Variants in NELL1 observed in about 807,000 individuals in gnomAD.
NELL1 encodes the protein protein kinase C-binding protein NELL1.
In NELL1, 76 loss-of-function variants were observed where a neutral mutation model predicts 107.4. The observed-to-expected ratio is 0.71, with a 90% CI of 0.59 to 0.86. The LOEUF (loss-of-function observed/expected upper bound fraction) is 0.86. NELL1 is among the 40% of genes least tolerant of loss of function. NELL1 has a pLI of 0.00. For synonymous variants in NELL1, 353 were observed against 341.2 expected, an observed-to-expected ratio of 1.03 and a Z score of -0.38; for missense variants, 1,024 against 1,005.5, an observed-to-expected ratio of 1.02 and a Z score of -0.25.
intron 16 of NELL1, among the ~76,000 whole-genome samples, chr11:21,542,863 T>G (rs1175510351): frequency 6.6e-6 from 1 of 152,076 alleles, no homozygotes; most frequent in African/African-American, 2.4e-5. Flanking sequence ...GAAATTATAT[T>G]AACCAATGAT....
At chr11:21,539,774 G>A (rs965853438) in intron 16 of NELL1, among the ~76,000 whole-genome samples, 2 of 151,514 alleles carry the variant, frequency 1.3e-5, no homozygotes, top group South Asian at 2.1e-4. Context: ...ACAGGATACC[G>A]ATAGGGTGTG....
At chr11:20,789,266 G>T (rs1326306917) in intron 3 of NELL1, among the ~76,000 whole-genome samples, 1 of 152,210 alleles carries the variant, frequency 6.6e-6, no homozygotes, top group Non-Finnish European at 1.5e-5. Flanking sequence ...GCAGCAAGGG[G>T]TGTGTGAGTG....
At position 21,330,346 on chromosome 11, in the gene NELL1, A is replaced by G. The variant is rs550208884; in HGVS notation, c.1550-40507A>G. Among the ~76,000 whole-genome samples, 14 of 152,254 alleles carry G rather than the reference A, an allele frequency of 9.2e-5. No individual in the cohort carries two copies. The East Asian group carries it at 2.7e-3, about 29-fold the overall frequency. ...TCCTCCCTCACACCATGTGGAATAG[A>G]ATTCCATTTGGGGGTCAGTTGGTTT... On this transcript the variant is annotated intron_variant, in intron 14 of 19. Coordinates refer to ENST00000357134, the MANE Select transcript of NELL1 (RefSeq NM_006157.5).
At chr11:21,036,858 A>T (rs1180617217) in intron 12 of NELL1, among the ~76,000 whole-genome samples, 1 of 152,040 alleles carries the variant, frequency 6.6e-6, no homozygotes, top group Non-Finnish European at 1.5e-5. Context: ...TCCATGTTAA[A>T]TTTTTAAAAA....
rs890138217 is a variant in NELL1 at position 21,366,552 on chromosome 11, C to T, written c.1550-4301C>T. On this transcript the variant is annotated intron_variant, in intron 14 of 19. Coordinates refer to ENST00000357134, the MANE Select transcript of NELL1 (RefSeq NM_006157.5). Reference sequence around the variant, plus strand: ...ATAAAGCTGGAAATGCAACAATTGTCGCATCGAAGCACATAGAGCTTCCCA... The same window carrying T: ...ATAAAGCTGGAAATGCAACAATTGTTGCATCGAAGCACATAGAGCTTCCCA... Among the ~76,000 whole-genome samples, 5 of 152,140 alleles carry T rather than the reference C, an allele frequency of 3.3e-5. No homozygotes were observed. In the East Asian group the frequency reaches 5.8e-4, roughly 18 times the overall value.
intron 12 of NELL1, among the ~76,000 whole-genome samples, chr11:21,082,374 T>G (rs1482791898): frequency 6.6e-6 from 1 of 152,210 alleles, no homozygotes; most frequent in Non-Finnish European, 1.5e-5. Context: ...TACATACATT[T>G]CTCAGCAACT....
chr11:21,314,370 T>C (rs1175528857), intron 14 of NELL1, among the ~76,000 whole-genome samples: 1 of 152,170 alleles, frequency 6.6e-6, no homozygotes, highest in Non-Finnish European at 1.5e-5. Flanking sequence ...AGCAAGTTTA[T>C]TGATCTTTTT....
At chr11:21,159,426 C>A (rs541691020) in intron 13 of NELL1, among the ~76,000 whole-genome samples, 1 of 152,286 alleles carries the variant, frequency 6.6e-6, no homozygotes, top group African/African-American at 2.4e-5. Context: ...TAAGATCCTG[C>A]CTTAGGAATG....
intron 14 of NELL1, among the ~76,000 whole-genome samples, chr11:21,337,282 G>A (rs890834473): frequency 1.3e-5 from 2 of 152,082 alleles, no homozygotes; most frequent in African/African-American, 4.8e-5. Context: ...AGGAACAAAA[G>A]TCCACATAAT....
At chr11:21,228,478 G>T (rs1236809474) in intron 13 of NELL1, among the ~76,000 whole-genome samples, 3 of 152,068 alleles carry the variant, frequency 2.0e-5, no homozygotes, top group Non-Finnish European at 4.4e-5. Flanking sequence ...TTAAACAGAG[G>T]CCTCAGAGTA....
chr11:21,552,329 G>A (rs1310263822), intron 16 of NELL1, among the ~76,000 whole-genome samples: 1 of 151,606 alleles, frequency 6.6e-6, no homozygotes, highest in Non-Finnish European at 1.5e-5. Flanking sequence ...GTCTTTTAAT[G>A]AGGGTTGGTG....
chr11:21,440,077 T>C (rs1853239258), intron 15 of NELL1, among the ~76,000 whole-genome samples: 1 of 152,074 alleles, frequency 6.6e-6, no homozygotes, highest in African/African-American at 2.4e-5. Flanking sequence ...AAAACCAATA[T>C]TTGGCCAAGG....
At chr11:21,557,793 G>A (rs1205963587) in intron 16 of NELL1, among the ~76,000 whole-genome samples, 1 of 151,988 alleles carries the variant, frequency 6.6e-6, no homozygotes, top group Admixed American at 6.6e-5. Flanking sequence ...TAAAGACCGA[G>A]TTTTGGCAAA....
At position 20,960,461 on chromosome 11, in the gene NELL1, TGTG is replaced by T. The variant is rs1851267355; in HGVS notation, c.1205_1207del (p.Gly402del). 3.1e-6 allele frequency: 5 copies of T among 1,613,910 alleles called. No homozygotes were observed. The highest frequency in any genetic ancestry group is 1.7e-5 in the Admixed American group (1 of 59,998). ...TAACTTTTGTGCAGAAGGACCTAAA[TGTG>T]GTGAAAACTCAGAGTGCAAAAACTG... On this transcript the variant is annotated inframe_deletion, in exon 12 of 20. Coordinates refer to ENST00000357134, the MANE Select transcript of NELL1 (RefSeq NM_006157.5).
At chr11:20,750,786 C>T (rs956701546) in intron 2 of NELL1, among the ~76,000 whole-genome samples, 18 of 152,162 alleles carry the variant, frequency 1.2e-4, no homozygotes, top group African/African-American at 3.4e-4. Flanking sequence ...TGGGGTTTCA[C>T]AATGTTGCTC....
At chr11:21,568,269 T>C (rs1857018174) in intron 17 of NELL1, among the ~76,000 whole-genome samples, 1 of 145,018 alleles carries the variant, frequency 6.9e-6, no homozygotes, top group Admixed American at 6.7e-5. Context: ...ACAATACATA[T>C]AAAAGACAAA....
intron 3 of NELL1, among the ~76,000 whole-genome samples, chr11:20,840,779 C>T (rs1165797292): frequency 6.6e-6 from 1 of 152,200 alleles, no homozygotes; most frequent in African/African-American, 2.4e-5. Context: ...ACACAGTTCC[C>T]ACCTTTCAAG....
At chr11:20,995,524 G>A (rs988382875) in intron 12 of NELL1, among the ~76,000 whole-genome samples, 1 of 152,052 alleles carries the variant, frequency 6.6e-6, no homozygotes, top group Non-Finnish European at 1.5e-5. Context: ...GTTACAGTGA[G>A]CAGAGATCGC....
chr11:21,441,330 C>CGTGTGTGTGTGTGTGTGT (rs201892977), intron 15 of NELL1, among the ~76,000 whole-genome samples: 12 of 140,240 alleles, frequency 8.6e-5, no homozygotes, highest in African/African-American at 3.0e-4. Flanking sequence ...GAGGCTGTGA[C>CGTGTGTGTGTGTGTGTGT]GTGTGTGTGT....
Sources: gnomAD v4.1 joint callset for allele counts (sites outside exome capture counted in the v4.1 genomes callset) on GRCh38, gnomAD v4.1.1 for gene constraint, MANE v1.5 for transcripts, NCBI Gene and HGNC (gene_info 2026-07-23, HGNC 2026-07-21) for gene names.